CACNA1D: variants seen among roughly 807,000 people sequenced by gnomAD.
CACNA1D encodes voltage-dependent L-type calcium channel subunit alpha-1D.
A neutral mutation model predicts 257.1 loss-of-function variants in CACNA1D; 55 were observed. The observed-to-expected ratio is 0.21, with a 90% CI of 0.17 to 0.27. CACNA1D has a LOEUF of 0.27. Ranked by LOEUF, CACNA1D falls within the 10% of genes least tolerant of loss-of-function variation. The pLI is 1.00. For synonymous variants in CACNA1D, 980 were observed against 1,014.9 expected (o/e 0.97, Z 0.65); for missense variants, 1,876 against 2,784.0 (o/e 0.67, Z 7.34).
At chr3:53,783,658 C>G (rs890204533) in intron 39 of CACNA1D, among the ~76,000 whole-genome samples, 1 of 152,200 alleles carries the variant, frequency 6.6e-6, no homozygotes, top group Non-Finnish European at 1.5e-5. Flanking sequence ...GAAGGAAGTT[C>G]CGAAGGCAGT....
chr3:53,707,513 A>G (rs915061961), intron 9 of CACNA1D, among the ~76,000 whole-genome samples: 11 of 152,320 alleles, frequency 7.2e-5, no homozygotes, highest in Middle Eastern at 3.4e-3. Flanking sequence ...TAAAATGTCA[A>G]TTTCATAAAT....
In CACNA1D at chr3:53,724,007, C is replaced by T. The variant is rs1231058661; in HGVS notation, c.2100+8C>T. ...CTTCTCACAGTGTTCCAGGTGAGTC[C>T]TCCCTCCATTCCCCGAAAAGCACTT... On this transcript the variant is annotated splice_region_variant and intron_variant, in intron 14 of 47. Transcript: ENST00000350061. 6.2e-7 allele frequency: 1 copy of T among 1,607,916 alleles called. No individual in the cohort carries two copies. The highest frequency in any genetic ancestry group is 8.5e-7 in the Non-Finnish European group (1 of 1,174,396).
At chr3:53,626,242 G>T (rs1034134593) in intron 3 of CACNA1D, among the ~76,000 whole-genome samples, 17 of 152,194 alleles carry the variant, frequency 1.1e-4, no homozygotes, top group African/African-American at 4.1e-4. Flanking sequence ...TGAAGAGGAG[G>T]GGGTGAATGT....
chr3:53,734,016 GTATATATATA>G (rs58714566), intron 19 of CACNA1D, among the ~76,000 whole-genome samples: 45,694 of 131,558 alleles, frequency 0.35, 9,184 homozygotes, highest in East Asian at 0.67. Flanking sequence ...ATATGTGTGT[GTATATATATA>G]TATATATATA....
intron 39 of CACNA1D, chr3:53,783,235 C>A (rs963115286): frequency 1.3e-5 from 2 of 152,290 alleles, no homozygotes; most frequent in African/African-American, 4.8e-5. Context: ...ACATTGATGC[C>A]CATCCTCGTG....
intron 46 of CACNA1D, chr3:53,809,025 G>A: frequency 3.9e-6 from 2 of 516,566 alleles, no homozygotes. Flanking sequence ...CTGCCCAGGT[G>A]CCTCCCTGCG....
At chr3:53,600,922 C>T (rs1296223898) in intron 3 of CACNA1D, among the ~76,000 whole-genome samples, 1 of 152,108 alleles carries the variant, frequency 6.6e-6, no homozygotes, top group Admixed American at 6.5e-5. Context: ...TCCTCTGTGC[C>T]CACCTCCCAC....
chr3:53,715,740 C>G (rs1393469061), intron 9 of CACNA1D, among the ~76,000 whole-genome samples: 1 of 152,224 alleles, frequency 6.6e-6, no homozygotes, highest in Non-Finnish European at 1.5e-5. Context: ...CCCAACCCAG[C>G]TGAAGGACAG....
intron 9 of CACNA1D, among the ~76,000 whole-genome samples, chr3:53,706,323 C>G (rs2094688764): frequency 6.6e-6 from 1 of 152,220 alleles, no homozygotes; most frequent in African/African-American, 2.4e-5. Flanking sequence ...TCATTAATAA[C>G]AGCAGATGTC....
chr3:53,544,927 A>G (rs2092379947), intron 3 of CACNA1D, among the ~76,000 whole-genome samples: 1 of 152,228 alleles, frequency 6.6e-6, no homozygotes, highest in South Asian at 2.1e-4. Context: ...GGAGGATTAA[A>G]TGAGATGAGC....
At chr3:53,641,621 C>T (rs1399437358) in intron 3 of CACNA1D, among the ~76,000 whole-genome samples, 1 of 152,156 alleles carries the variant, frequency 6.6e-6, no homozygotes, top group South Asian at 2.1e-4. Flanking sequence ...AATGTACCCT[C>T]TGCCAAGGGA....
intron 9 of CACNA1D, among the ~76,000 whole-genome samples, chr3:53,704,180 G>T (rs568679569): frequency 6.6e-6 from 1 of 152,264 alleles, no homozygotes; most frequent in East Asian, 1.9e-4. Flanking sequence ...GTGTGTAAGT[G>T]GGGGCTGAGA....
At chr3:53,700,985 T>C (rs1241360236) in intron 8 of CACNA1D, among the ~76,000 whole-genome samples, 2 of 151,086 alleles carry the variant, frequency 1.3e-5, no homozygotes, top group African/African-American at 2.4e-5. Flanking sequence ...GTGGGATTCT[T>C]TCTAATTGTG....
At chr3:53,648,078 T>C (rs865908028) in intron 3 of CACNA1D, among the ~76,000 whole-genome samples, 5 of 152,170 alleles carry the variant, frequency 3.3e-5, no homozygotes, top group Non-Finnish European at 7.3e-5. Context: ...AAAACAAGCT[T>C]TGTTTGGGAG....
intron 3 of CACNA1D, among the ~76,000 whole-genome samples, chr3:53,540,613 A>G (rs931963306): frequency 3.9e-5 from 6 of 152,140 alleles, no homozygotes; most frequent in Non-Finnish European, 7.3e-5. Flanking sequence ...TTTAAAAAAA[A>G]TTGACACCAA....
At chr3:53,689,863 T>C (rs2108511560) in intron 8 of CACNA1D, among the ~76,000 whole-genome samples, 1 of 152,308 alleles carries the variant, frequency 6.6e-6, no homozygotes, top group South Asian at 2.1e-4. Context: ...GATCTCTCTA[T>C]GTTGCCTGGC....
chr3:53,770,298 T>C (rs556389268), intron 31 of CACNA1D, 126 bp from the exon 32 acceptor site: 5 of 968,842 alleles, frequency 5.2e-6, no homozygotes, highest in African/African-American at 1.6e-5. Context: ...CTTTTTAAGA[T>C]GAAAAGGCCC....
At position 53,673,460 on chromosome 3, in the gene CACNA1D, C is replaced by T. The variant is rs1011383562; in HGVS notation, c.1220+334C>T. ...TATTTGTCTGGATCCAAATATAATG[C>T]AGATTAATTGTTATAAAACGATAGC... On this transcript the variant is annotated intron_variant, in intron 8 of 47. Transcript: ENST00000350061. This position sits in a 1 kb window ranked among gnomAD's most constrained non-coding sequence, Gnocchi z 4.1. Among the ~76,000 whole-genome samples the T allele has an allele frequency of 1.3e-5, 2 of 151,286 alleles. No homozygotes were observed. The highest frequency in any genetic ancestry group is 2.9e-5 in the Non-Finnish European group (2 of 67,942).
intron 3 of CACNA1D, among the ~76,000 whole-genome samples, chr3:53,511,840 A>G (rs985234840): frequency 7.2e-5 from 11 of 152,232 alleles, no homozygotes; most frequent in Non-Finnish European, 1.5e-4. Flanking sequence ...ACAAAGGGAT[A>G]CAGGAATTTA....
Sources: gnomAD v4.1 joint callset for allele counts (sites outside exome capture counted in the v4.1 genomes callset) on GRCh38, gnomAD v4.1.1 for gene constraint, Gnocchi (gnomAD v3.1) non-coding constraint, MANE v1.5 for transcripts, NCBI Gene and HGNC (gene_info 2026-07-23, HGNC 2026-07-21) for gene names.